NR1D2: variants seen among roughly 807,000 people sequenced by gnomAD.
The protein encoded by NR1D2 is nuclear receptor subfamily 1 group D member 2.
NR1D2 carries 25 observed loss-of-function variants against 52.2 expected under a neutral mutation model. The observed-to-expected ratio is 0.48, with a 90% CI of 0.35 to 0.67. The LOEUF is 0.67. NR1D2 is among the 30% of genes least tolerant of loss of function. The pLI is 0.01. For missense variants in NR1D2, 681 were observed against 707.2 expected (o/e 0.96, Z 0.42); for synonymous variants, 259 against 230.1 (o/e 1.13, Z -1.14).
chr3:23,977,369 T>A lies in NR1D2; in HGVS notation c.1690T>A (p.Leu564Ile). 6.2e-7 allele frequency: 1 copy of A among 1,612,980 alleles called. No individual in the cohort carries two copies. Among genetic ancestry groups the A allele is most frequent in the Non-Finnish European group, 8.5e-7 (1 of 1,179,504 alleles). ...TCTAAAGTTGCCAGATCTTCGATCT[T>A]TAAACAACATGCACTCTGAGGAGCT... is the stretch of plus-strand genomic sequence containing the variant. ...LLLKLPDLRS[L>I]NNMHSEELLA... Residue 564 changes from leucine to isoleucine, a missense_variant, in exon 8 of 8, where the codon TTA (leucine) becomes ATA (isoleucine). Leu to Ile is a conservative substitution (Grantham distance 5). Around this residue, in one of 3 missense-constraint regions of NR1D2, gnomAD observed 475 missense variants for 454.5 expected, o/e 1.05. Coordinates refer to ENST00000312521, the MANE Select transcript of NR1D2 (RefSeq NM_005126.5).
Position 23,968,005 on chromosome 3 carries a change from G to C in NR1D2, c.1525G>C (p.Val509Leu). Residue 509 changes from valine (V) to leucine (L), a missense_variant, in exon 7 of 8, where the codon GTT becomes CTT. Physicochemically the swap from Val to Leu is conservative, Grantham distance 32. Around this residue, in one of 3 missense-constraint regions of NR1D2, gnomAD observed 475 missense variants for 454.5 expected, o/e 1.05. Transcript: ENST00000312521. ...SDEEMSLFTA[V>L]VLVSADRSGI... ...TGAAGAGATGAGTTTGTTTACAGCT[G>C]TTGTCCTGGTATCTGCAGGTAAGCA... 1 of 1,614,110 alleles carries C rather than the reference G, an allele frequency of 6.2e-7. No homozygotes were observed. The highest frequency in any genetic ancestry group is 8.5e-7 in the Non-Finnish European group (1 of 1,179,970).
Position 23,977,642 on chromosome 3 carries a change from C to G in NR1D2, c.*223C>G, listed in dbSNP as rs1037424045. On this transcript the variant is annotated 3_prime_UTR_variant, in exon 8 of 8. Transcript: ENST00000312521. ...TGATAGACCAATCAGCTGTGTCGCA[C>G]TTAAACTGGAGAAGTTACACTGAAG... is the stretch of plus-strand genomic sequence containing the variant. The G allele has an allele frequency of 1.7e-5, 6 of 360,662 alleles. No homozygotes were observed. Among genetic ancestry groups the G allele is most frequent in the Admixed American group, 4.4e-5 (1 of 22,876 alleles). The allele number at this position is 360,662 out of a possible 1,614,324, so 22.3% of individuals were successfully genotyped here.
intron 1 of NR1D2, among the ~76,000 whole-genome samples, chr3:23,952,474 T>C (rs1261338177): frequency 6.6e-6 from 1 of 151,228 alleles, no homozygotes; most frequent in African/African-American, 2.4e-5. Context: ...CTTTGGGAGG[T>C]GGAGGCGGGC....
intron 3 of NR1D2, among the ~76,000 whole-genome samples, chr3:23,956,775 C>T (rs1040922170): frequency 1.3e-5 from 2 of 152,132 alleles, no homozygotes; most frequent in African/African-American, 4.8e-5. Flanking sequence ...TACAGGGAAT[C>T]TTTCTCTCTT....
intron 3 of NR1D2, among the ~76,000 whole-genome samples, chr3:23,956,368 C>T (rs1222111671): frequency 1.3e-5 from 2 of 152,108 alleles, no homozygotes; most frequent in African/African-American, 2.4e-5. Context: ...CTCAATTAAA[C>T]ATACTTATTG....
intron 1 of NR1D2, among the ~76,000 whole-genome samples, chr3:23,951,328 T>G (rs960011924): frequency 1.3e-5 from 2 of 152,240 alleles, no homozygotes; most frequent in Non-Finnish European, 2.9e-5. Flanking sequence ...CTTTCTTATC[T>G]TTTATTTTCC....
intron 6 of NR1D2, among the ~76,000 whole-genome samples, chr3:23,965,693 T>G (rs1366428260): frequency 2.6e-5 from 4 of 152,188 alleles, no homozygotes; most frequent in Non-Finnish European, 5.9e-5. Flanking sequence ...TATTTTTTAC[T>G]TATTATTTAG....
At chr3:23,947,631 C>G (rs1369301148) in intron 1 of NR1D2, among the ~76,000 whole-genome samples, 3 of 152,230 alleles carry the variant, frequency 2.0e-5, no homozygotes, top group Non-Finnish European at 2.9e-5. Flanking sequence ...TAGGACCTTT[C>G]ACGTGAACTA....
intron 6 of NR1D2, among the ~76,000 whole-genome samples, chr3:23,967,288 A>T (rs1473765462): frequency 6.6e-6 from 1 of 151,820 alleles, no homozygotes; most frequent in Non-Finnish European, 1.5e-5. Flanking sequence ...GTGCCACTGC[A>T]CTCCAGCCTG....
chr3:23,947,945 C>G (rs923153317), intron 1 of NR1D2, among the ~76,000 whole-genome samples: 2 of 152,052 alleles, frequency 1.3e-5, no homozygotes, highest in African/African-American at 4.8e-5. Context: ...TGGTGAAACC[C>G]CGTCTCTACT....
intron 7 of NR1D2, among the ~76,000 whole-genome samples, chr3:23,968,652 A>G (rs1166239441): frequency 6.6e-6 from 1 of 152,096 alleles, no homozygotes; most frequent in Admixed American, 6.6e-5. Flanking sequence ...TGAGTTTCTA[A>G]TGTTTATTTA....
At chr3:23,971,033 G>A (rs1159101099) in intron 7 of NR1D2, among the ~76,000 whole-genome samples, 2 of 152,004 alleles carry the variant, frequency 1.3e-5, no homozygotes, top group African/African-American at 2.4e-5. Flanking sequence ...CGCCCGCCTC[G>A]GCCTCCCAAA....
intron 5 of NR1D2, chr3:23,964,712 A>T: frequency 3.3e-6 from 1 of 305,062 alleles, no homozygotes; most frequent in Non-Finnish European, 6.0e-6. Flanking sequence ...CCTGTGCAAC[A>T]GGTGTTTGAA....
chr3:23,946,233 G>T (rs2125277231), intron 1 of NR1D2: 1 of 985,436 alleles, frequency 1.0e-6, no homozygotes, highest in South Asian at 4.7e-5. Flanking sequence ...TGCACCGGAC[G>T]CCGCACGCTC....
chr3:23,955,290 C>T (rs1321543038), intron 2 of NR1D2, among the ~76,000 whole-genome samples: 1 of 152,140 alleles, frequency 6.6e-6, no homozygotes, highest in Non-Finnish European at 1.5e-5. Context: ...GAGAGATATC[C>T]CTTTCCACCT....
At chr3:23,956,779 C>T (rs1448167477) in intron 3 of NR1D2, among the ~76,000 whole-genome samples, 1 of 152,132 alleles carries the variant, frequency 6.6e-6, no homozygotes, top group African/African-American at 2.4e-5. Flanking sequence ...GGGAATCTTT[C>T]TCTCTTTTTA....
intron 3 of NR1D2, among the ~76,000 whole-genome samples, chr3:23,957,111 T>C (rs577441729): frequency 6.6e-6 from 1 of 151,910 alleles, no homozygotes; most frequent in Non-Finnish European, 1.5e-5. Flanking sequence ...GCCTCCCGAG[T>C]AGCTGGGATT....
chr3:23,975,705 C>A (rs551896765), intron 7 of NR1D2, among the ~76,000 whole-genome samples: 14 of 152,186 alleles, frequency 9.2e-5, no homozygotes, highest in African/African-American at 3.1e-4. Flanking sequence ...TTGTAGTGAG[C>A]CGAGATCGCA....
intron 3 of NR1D2, among the ~76,000 whole-genome samples, chr3:23,958,690 G>C (rs928361896): frequency 3.4e-5 from 5 of 147,296 alleles, no homozygotes; most frequent in Non-Finnish European, 7.4e-5. Flanking sequence ...GCTCGTGCCT[G>C]TAATCCTAGC....
Sources: gnomAD v4.1 joint callset for allele counts (sites outside exome capture counted in the v4.1 genomes callset) on GRCh38, gnomAD v4.1.1 for gene constraint, gnomAD v4.1.1 regional missense constraint, MANE v1.5 for transcripts, NCBI Gene and HGNC (gene_info 2026-07-23, HGNC 2026-07-21) for gene names.